PHACTR3: variants seen among roughly 807,000 people sequenced by gnomAD.
PHACTR3 encodes protein phosphatase 1, regulatory subunit 123.
In PHACTR3, 16 loss-of-function variants were observed where a neutral mutation model predicts 66.8. The ratio of observed to expected loss-of-function variants is 0.24; its 90% CI spans 0.16 to 0.36. PHACTR3 has a LOEUF of 0.36. Ranked by LOEUF, PHACTR3 falls within the 10% of genes least tolerant of loss-of-function variation. PHACTR3 has a pLI of 1.00. For synonymous variants in PHACTR3, 323 were observed against 292.1 expected (o/e 1.11, Z -1.08); for missense variants, 647 against 719.9 (o/e 0.90, Z 1.16).
chr20:59,705,017 T>A (rs1310752916), intron 1 of PHACTR3, among the ~76,000 whole-genome samples: 1 of 151,160 alleles, frequency 6.6e-6, no homozygotes, highest in Non-Finnish European at 1.5e-5. Flanking sequence ...AGTGCAGTGG[T>A]GCCATCTGGG....
Position 59,806,381 on chromosome 20 carries a change from G to A in PHACTR3, c.1328+187G>A, listed in dbSNP as rs117391280. On this transcript the variant is annotated intron_variant, in intron 8 of 12. Coordinates refer to ENST00000371015, the MANE Select transcript of PHACTR3 (RefSeq NM_080672.5). ...GGCCCTTTCCTGTGGGGGCTGTCCC[G>A]TGCATGCTCAGATGTTTAGCGGCAT... Among the ~76,000 whole-genome samples the A allele has an allele frequency of 6.0e-4, 91 of 152,328 alleles. 1 individual carries two copies. The highest frequency in any genetic ancestry group is 3.4e-3 in the Middle Eastern group (1 of 294).
intron 1 of PHACTR3, among the ~76,000 whole-genome samples, chr20:59,598,155 C>T (rs1382919934): frequency 1.3e-5 from 2 of 152,298 alleles, no homozygotes; most frequent in Middle Eastern, 3.4e-3. Flanking sequence ...GCCTCCCTGC[C>T]CCGGGTTGTG....
chr20:59,617,961 C>T (rs1048178220), intron 1 of PHACTR3, among the ~76,000 whole-genome samples: 1 of 152,210 alleles, frequency 6.6e-6, no homozygotes. Context: ...CACATCAGCT[C>T]ATAGGCGAAT....
intron 1 of PHACTR3, among the ~76,000 whole-genome samples, chr20:59,578,250 C>T (rs555618097): frequency 1.2e-4 from 18 of 152,336 alleles, no homozygotes; most frequent in African/African-American, 3.6e-4. Flanking sequence ...GAGTTGAGGA[C>T]GGGGAGTGGC....
chr20:59,733,974 C>G (rs1192535869), intron 1 of PHACTR3, among the ~76,000 whole-genome samples: 1 of 151,858 alleles, frequency 6.6e-6, no homozygotes, highest in Non-Finnish European at 1.5e-5. Flanking sequence ...CCTTGTTCCC[C>G]CTACAGTCTG....
rs371122055 is a variant in PHACTR3 at position 59,843,200 on chromosome 20, G to A, written c.1587+1665G>A. ...ACAAGGAAAACTACAAAACAATGAT[G>A]AAAGAAATTGAAGAGGCCACACACA... On this transcript the variant is annotated intron_variant, in intron 11 of 12. Coordinates refer to ENST00000371015, the MANE Select transcript of PHACTR3 (RefSeq NM_080672.5). Among the ~76,000 whole-genome samples the A allele has an allele frequency of 5.4e-4, 82 of 152,158 alleles. 1 individual carries two copies. In the South Asian group the frequency reaches 0.016, roughly 30 times the overall value.
At chr20:59,640,916 A>G (rs1456171557) in intron 1 of PHACTR3, among the ~76,000 whole-genome samples, 1 of 152,236 alleles carries the variant, frequency 6.6e-6, no homozygotes, top group Non-Finnish European at 1.5e-5. Context: ...GTAGGGACTC[A>G]TAACCAAGTT....
intron 1 of PHACTR3, among the ~76,000 whole-genome samples, chr20:59,618,466 G>A (rs1222469525): frequency 6.6e-6 from 1 of 152,234 alleles, no homozygotes; most frequent in Non-Finnish European, 1.5e-5. Flanking sequence ...GGAAGAGGGT[G>A]TGGCAGCCAC....
intron 1 of PHACTR3, among the ~76,000 whole-genome samples, chr20:59,673,521 TG>T (rs1289660289): frequency 1.3e-5 from 2 of 152,126 alleles, no homozygotes; most frequent in Non-Finnish European, 2.9e-5. Flanking sequence ...CCTGGGCTTC[TG>T]GGGCCCTGAA....
chr20:59,761,843 G>C (rs1191716825), intron 4 of PHACTR3, among the ~76,000 whole-genome samples: 1 of 152,186 alleles, frequency 6.6e-6, no homozygotes, highest in Non-Finnish European at 1.5e-5. Context: ...CAGTGTAGAA[G>C]CTTCTGGTTG....
chr20:59,689,599 G>A (rs2037030000), intron 1 of PHACTR3, among the ~76,000 whole-genome samples: 1 of 152,152 alleles, frequency 6.6e-6, no homozygotes, highest in East Asian at 1.9e-4. Context: ...TCCAGACATA[G>A]CCAGTGAAAC....
At chr20:59,671,653 G>A (rs899872281) in intron 1 of PHACTR3, among the ~76,000 whole-genome samples, 2 of 152,240 alleles carry the variant, frequency 1.3e-5, no homozygotes, top group African/African-American at 4.8e-5. Flanking sequence ...CTATTGCCAG[G>A]CTAGAGGGTT....
At chr20:59,580,756 T>A (rs1273623965) in intron 1 of PHACTR3, among the ~76,000 whole-genome samples, 1 of 152,170 alleles carries the variant, frequency 6.6e-6, no homozygotes, top group African/African-American at 2.4e-5. Context: ...AGGCTATAAC[T>A]CTGAAGACCC....
chr20:59,591,490 CAGCTG>C (rs1293607525), intron 1 of PHACTR3, among the ~76,000 whole-genome samples: 1 of 152,198 alleles, frequency 6.6e-6, no homozygotes, highest in Admixed American at 6.5e-5. Flanking sequence ...CTCAGGAAGA[CAGCTG>C]AGGTGTTTTT....
chr20:59,726,301 T>C (rs1287574163), intron 1 of PHACTR3, among the ~76,000 whole-genome samples: 1 of 152,162 alleles, frequency 6.6e-6, no homozygotes, highest in Non-Finnish European at 1.5e-5. Context: ...CTACTTCTGC[T>C]AAGGGCTGGC....
At chr20:59,581,798 G>A (rs1038020367) in intron 1 of PHACTR3, among the ~76,000 whole-genome samples, 3 of 151,876 alleles carry the variant, frequency 2.0e-5, no homozygotes, top group Non-Finnish European at 4.4e-5. Context: ...GGAGAAAGGC[G>A]TGAACCCGGT....
chr20:59,755,093 A>G (rs1318691219), intron 3 of PHACTR3, 89 bp from the exon 4 acceptor site: 7 of 1,361,436 alleles, frequency 5.1e-6, no homozygotes, highest in Non-Finnish European at 7.1e-6. Flanking sequence ...AGAGCCTAGA[A>G]TGGATACTTC....
intron 1 of PHACTR3, among the ~76,000 whole-genome samples, chr20:59,583,348 G>A (rs1297573946): frequency 6.6e-6 from 1 of 152,190 alleles, no homozygotes; most frequent in African/African-American, 2.4e-5. Context: ...ACCCCTAACT[G>A]TGAAGTGGAC....
At chr20:59,809,485 C>G (rs1255155943) in intron 8 of PHACTR3, among the ~76,000 whole-genome samples, 1 of 152,122 alleles carries the variant, frequency 6.6e-6, no homozygotes, top group East Asian at 1.9e-4. Context: ...TTGGTTTCTT[C>G]TTTATGTACT....
Sources: gnomAD v4.1 joint callset for allele counts (sites outside exome capture counted in the v4.1 genomes callset) on GRCh38, gnomAD v4.1.1 for gene constraint, MANE v1.5 for transcripts, NCBI Gene and HGNC (gene_info 2026-07-23, HGNC 2026-07-21) for gene names.